UBE2R2: variants seen among roughly 807,000 people sequenced by gnomAD.
The protein encoded by UBE2R2 is ubiquitin-conjugating enzyme E2 R2.
In UBE2R2, 1 loss-of-function variant was observed where a neutral mutation model predicts 27.8. The ratio of observed to expected loss-of-function variants is 0.04; its 90% CI spans 0.01 to 0.17. UBE2R2 has a LOEUF of 0.17. Among genes scored for constraint, UBE2R2 ranks in the 10% least tolerant of loss-of-function variants. UBE2R2 has a pLI of 1.00. For synonymous variants in UBE2R2, 106 were observed against 113.3 expected (o/e 0.94, Z 0.41); for missense variants, 100 against 291.0 (o/e 0.34, Z 4.78).
chr9:33,906,672 C>T (rs1482131128), intron 3 of UBE2R2, among the ~76,000 whole-genome samples: 2 of 152,096 alleles, frequency 1.3e-5, no homozygotes, highest in East Asian at 1.9e-4. Context: ...AAAGGGTTAT[C>T]GACATGTTGA....
chr9:33,860,064 C>T (rs1821195373), intron 1 of UBE2R2, among the ~76,000 whole-genome samples: 1 of 151,766 alleles, frequency 6.6e-6, no homozygotes, highest in South Asian at 2.1e-4. Flanking sequence ...GCCTTGGCCT[C>T]CCAATGTGCT....
At chr9:33,902,739 T>A (rs1183690932) in intron 3 of UBE2R2, among the ~76,000 whole-genome samples, 1 of 152,210 alleles carries the variant, frequency 6.6e-6, no homozygotes, top group African/African-American at 2.4e-5. Flanking sequence ...GGGAAAAGTG[T>A]CCTACGTAGC....
chr9:33,916,160 G>C (rs1046703431), intron 4 of UBE2R2, among the ~76,000 whole-genome samples: 2 of 152,166 alleles, frequency 1.3e-5, no homozygotes, highest in African/African-American at 4.8e-5. Flanking sequence ...GGCCAACATG[G>C]TGAAACCCCA....
intron 1 of UBE2R2, among the ~76,000 whole-genome samples, chr9:33,842,373 G>T (rs1193190645): frequency 6.6e-6 from 1 of 152,126 alleles, no homozygotes; most frequent in African/African-American, 2.4e-5. Context: ...CTCCAGCCTG[G>T]GGTGACAGAT....
intron 1 of UBE2R2, among the ~76,000 whole-genome samples, chr9:33,834,364 A>G (rs1226795814): frequency 6.6e-6 from 1 of 151,350 alleles, no homozygotes; most frequent in African/African-American, 2.4e-5. Context: ...GGCACAAACC[A>G]CCTCACCCAG....
At chr9:33,855,180 A>T (rs543578626) in intron 1 of UBE2R2, among the ~76,000 whole-genome samples, 1 of 152,168 alleles carries the variant, frequency 6.6e-6, no homozygotes, top group Non-Finnish European at 1.5e-5. Context: ...TTAGCAGTAC[A>T]TACTGCCCCT....
At chr9:33,877,216 CTG>C (rs1353670875) in intron 1 of UBE2R2, among the ~76,000 whole-genome samples, 4 of 139,826 alleles carry the variant, frequency 2.9e-5, no homozygotes, top group African/African-American at 1.1e-4. Context: ...GAGTCTCACT[CTG>C]TTGCCCAGGC....
intron 1 of UBE2R2, among the ~76,000 whole-genome samples, chr9:33,877,132 C>T (rs1821621552): frequency 6.6e-6 from 1 of 151,306 alleles, no homozygotes; most frequent in South Asian, 2.1e-4. Flanking sequence ...AAAAAAACTA[C>T]TTCTAGAATA....
chr9:33,878,412 C>T (rs999021768), intron 1 of UBE2R2, among the ~76,000 whole-genome samples: 1 of 152,012 alleles, frequency 6.6e-6, no homozygotes, highest in Non-Finnish European at 1.5e-5. Flanking sequence ...CCCAGGAGTT[C>T]GAGACCAGTC....
chr9:33,909,053 C>A (rs1384112564), intron 3 of UBE2R2, among the ~76,000 whole-genome samples: 2 of 149,426 alleles, frequency 1.3e-5, no homozygotes, highest in Non-Finnish European at 2.9e-5. Flanking sequence ...CTCATTTGTG[C>A]AGGATACATT....
chr9:33,903,600 G>A (rs1415484802), intron 3 of UBE2R2, among the ~76,000 whole-genome samples: 1 of 152,086 alleles, frequency 6.6e-6, no homozygotes, highest in East Asian at 1.9e-4. Flanking sequence ...CCTTATCTCA[G>A]CTTAAAGTAT....
intron 2 of UBE2R2, among the ~76,000 whole-genome samples, chr9:33,895,003 C>T (rs1448586916): frequency 6.6e-6 from 1 of 152,134 alleles, no homozygotes; most frequent in Admixed American, 6.5e-5. Context: ...CCTGGCCTTC[C>T]CTATTATTGA....
chr9:33,872,751 A>G (rs560785278), intron 1 of UBE2R2, among the ~76,000 whole-genome samples: 1 of 150,764 alleles, frequency 6.6e-6, no homozygotes, highest in Non-Finnish European at 1.5e-5. Context: ...GCACCACTGC[A>G]CTCCAGCCTG....
chr9:33,843,813 A>G (rs1023483459), intron 1 of UBE2R2, among the ~76,000 whole-genome samples: 6 of 152,310 alleles, frequency 3.9e-5, no homozygotes, highest in African/African-American at 1.2e-4. Context: ...CAGGAAGTTT[A>G]TAGAGATGTT....
chr9:33,874,172 T>C (rs559947487), intron 1 of UBE2R2, among the ~76,000 whole-genome samples: 1 of 152,188 alleles, frequency 6.6e-6, no homozygotes, highest in African/African-American at 2.4e-5. Context: ...GGTGTTGAAC[T>C]CCTGACTTCA....
chr9:33,838,898 A>G (rs1037603084), intron 1 of UBE2R2, among the ~76,000 whole-genome samples: 1 of 151,966 alleles, frequency 6.6e-6, no homozygotes, highest in African/African-American at 2.4e-5. Flanking sequence ...GCTGGCCAAC[A>G]TGGAGAAACC....
rs548340218 is a variant in UBE2R2, at chr9:33,912,400, G to A, written c.497+302G>A. Among the ~76,000 whole-genome samples, 10 of 152,150 alleles carry A rather than the reference G, an allele frequency of 6.6e-5. No homozygotes were observed. The East Asian group carries it at 1.9e-3, about 29-fold the overall frequency. On this transcript the variant is annotated intron_variant, in intron 4 of 4. Transcript: ENST00000263228. ...AGCACTTTGGGAGGCTGAGGCAGGC[G>A]GATCACCTGAGGTCAGGAGTTCGAG...
Position 33,825,999 on chromosome 9 carries a change from C to T in UBE2R2, c.177+8065C>T, listed in dbSNP as rs146022007. ...CTCTACTAAAAATACAAAAAGTAGCCGGGTGTGGTGGCATGCGCCTGTAGT... is the reference window on the plus strand; with the variant it reads ...CTCTACTAAAAATACAAAAAGTAGCTGGGTGTGGTGGCATGCGCCTGTAGT... On this transcript the variant is annotated intron_variant, in intron 1 of 4. Coordinates refer to ENST00000263228, the MANE Select transcript of UBE2R2 (RefSeq NM_017811.4). Among the ~76,000 whole-genome samples, 567 of 152,062 alleles carry T rather than the reference C, an allele frequency of 3.7e-3. 6 individuals are homozygous for T. The highest frequency in any genetic ancestry group is 0.029 in the Admixed American group (441 of 15,262).
At chr9:33,866,396 G>A (rs1182053441) in intron 1 of UBE2R2, among the ~76,000 whole-genome samples, 4 of 151,894 alleles carry the variant, frequency 2.6e-5, no homozygotes, top group Admixed American at 6.6e-5. Context: ...CTGCCACCAC[G>A]CCTGGCTAAT....
Sources: allele counts gnomAD v4.1 joint callset (sites outside exome capture counted in the v4.1 genomes callset), GRCh38; gene constraint gnomAD v4.1.1; transcripts MANE v1.5; gene names NCBI Gene and HGNC (gene_info 2026-07-23, HGNC 2026-07-21).